SLC2A12: variants seen among roughly 807,000 people sequenced by gnomAD.
SLC2A12 encodes the protein solute carrier family 2, facilitated glucose transporter member 12.
Under a neutral mutation model 41.8 loss-of-function variants are expected in SLC2A12, and 23 were observed. The observed-to-expected ratio is 0.55, with a 90% CI of 0.40 to 0.78. The LOEUF (loss-of-function observed/expected upper bound fraction) is 0.78, where lower values mean the gene tolerates loss of function less well. Ranked by LOEUF, SLC2A12 falls within the 30% of genes least tolerant of loss-of-function variation. The pLI, the probability that SLC2A12 is intolerant of heterozygous loss-of-function variation, is 0.00. For missense variants in SLC2A12, 654 were observed against 745.6 expected (o/e 0.88, Z 1.43); for synonymous variants, 295 against 285.9 (o/e 1.03, Z -0.32).
chr6:134,010,882 A>G lies in SLC2A12; in HGVS notation c.1445-3948T>C, dbSNP rs112353418. ...TGACACTTGTGTGTTTCCCCCTCCT[A>G]CCTATTTCAGGTTCCTGCCCCAGTT... is the stretch of plus-strand genomic sequence containing the variant. On this transcript the variant is annotated intron_variant, in intron 2 of 4. Transcript: ENST00000275230. Among the ~76,000 whole-genome samples the G allele has an allele frequency of 4.8e-4, 73 of 152,146 alleles. 1 individual carries two copies. The highest frequency in any genetic ancestry group is 1.6e-3 in the African/African-American group (67 of 41,534).
At chr6:134,022,475 G>A (rs1777053251) in intron 2 of SLC2A12, among the ~76,000 whole-genome samples, 1 of 150,994 alleles carries the variant, frequency 6.6e-6, no homozygotes, top group African/African-American at 2.4e-5. Flanking sequence ...AGGTTGCAGT[G>A]AGCCGAGATC....
chr6:134,006,981 A>G lies in SLC2A12; in HGVS notation c.1445-47T>C. 1.9e-6 allele frequency: 3 copies of G among 1,609,338 alleles called. No homozygotes were observed. The South Asian group carries it at 3.3e-5, about 18-fold the overall frequency. On this transcript the variant is annotated intron_variant, in intron 2 of 4. Coordinates refer to ENST00000275230, the MANE Select transcript of SLC2A12 (RefSeq NM_145176.3). ...GTGGCGGACAGCACATTTAGCAAAA[A>G]CCCATTGAATCTGAGTGCCAGCACC...
In SLC2A12 at chr6:134,011,971, G is replaced by A. The variant is rs576705593; in HGVS notation, c.1445-5037C>T. 6.6e-3 allele frequency among the ~76,000 whole-genome samples: 1,001 copies of A among 151,422 alleles called. 14 individuals carry two copies. The highest frequency in any genetic ancestry group is 8.6e-3 in the Non-Finnish European group (584 of 67,784). On this transcript the variant is annotated intron_variant, in intron 2 of 4. Coordinates refer to ENST00000275230, the MANE Select transcript of SLC2A12 (RefSeq NM_145176.3). ...GCAGGAGAATCGCTTGAGCCCAGGA[G>A]GTGGAAGTTGCAGTGAGCCGAGATC...
intron 1 of SLC2A12, among the ~76,000 whole-genome samples, chr6:134,042,550 A>C (rs559042074): frequency 1.4e-4 from 22 of 152,048 alleles, no homozygotes; most frequent in South Asian, 1.2e-3. Context: ...AGAAATAGAA[A>C]AAAAAAAAAA....
At chr6:134,015,806 A>T (rs1776953294) in intron 2 of SLC2A12, among the ~76,000 whole-genome samples, 1 of 152,174 alleles carries the variant, frequency 6.6e-6, no homozygotes, top group Non-Finnish European at 1.5e-5. Flanking sequence ...AGCTGTCATA[A>T]TCTTTAGCTG....
Position 134,002,138 on chromosome 6 carries a change from G to A in SLC2A12, c.1568-9C>T, listed in dbSNP as rs1362645962. ...TGGCAGGCCAATAAGATCTATAAAG[G>A]ACAAAAGAAATTGATTAGAAATGTG... On this transcript the variant is annotated splice_polypyrimidine_tract_variant and intron_variant, in intron 3 of 4. Transcript: ENST00000275230. 5 of 1,588,164 alleles carry A rather than the reference G, an allele frequency of 3.1e-6. No individual in the cohort carries two copies. Among genetic ancestry groups the A allele is most frequent in the African/African-American group, 1.4e-5 (1 of 72,674 alleles).
intron 1 of SLC2A12, among the ~76,000 whole-genome samples, chr6:134,043,351 T>C (rs377498482): frequency 1.6e-4 from 25 of 152,150 alleles, no homozygotes; most frequent in African/African-American, 5.5e-4. Flanking sequence ...GAAGGAGGCA[T>C]GTGGATTTAA....
Position 134,033,004 on chromosome 6 carries a change from G to A in SLC2A12, c.104-3283C>T, listed in dbSNP as rs143481689. ...AGGGAAGAGTATTTCAGGCCCAGGA[G>A]AAAGTAATTTCCAAGGCCTTAGGAC... On this transcript the variant is annotated intron_variant, in intron 1 of 4. Coordinates refer to ENST00000275230, the MANE Select transcript of SLC2A12 (RefSeq NM_145176.3). Among the ~76,000 whole-genome samples, 615 of 151,724 alleles carry A rather than the reference G, an allele frequency of 4.1e-3. 2 individuals carry two copies. Among genetic ancestry groups the A allele is most frequent in the African/African-American group, 0.014 (574 of 41,364 alleles).
intron 2 of SLC2A12, among the ~76,000 whole-genome samples, chr6:134,027,845 C>CAAG (rs1184712233): frequency 6.6e-6 from 1 of 152,126 alleles, no homozygotes; most frequent in Non-Finnish European, 1.5e-5. Flanking sequence ...GTTTAATGGA[C>CAAG]AAGAGTAAAG....
chr6:134,004,605 T>TGTA (rs1776788705), intron 3 of SLC2A12, among the ~76,000 whole-genome samples: 1 of 152,222 alleles, frequency 6.6e-6, no homozygotes, highest in Non-Finnish European at 1.5e-5. Flanking sequence ...TTTTCTTGAT[T>TGTA]GTAGTCATGC....
At chr6:134,050,393 A>G (rs1420766656) in intron 1 of SLC2A12, among the ~76,000 whole-genome samples, 2 of 152,278 alleles carry the variant, frequency 1.3e-5, no homozygotes, top group Non-Finnish European at 2.9e-5. Flanking sequence ...AAGTTAATTT[A>G]AAATTAAATT....
chr6:134,022,344 A>G (rs1777051330), intron 2 of SLC2A12, among the ~76,000 whole-genome samples: 1 of 152,154 alleles, frequency 6.6e-6, no homozygotes. Flanking sequence ...CAGCCTGGCC[A>G]ACATGGCGAA....
chr6:134,040,058 G>GTTTTTTT (rs11371413), intron 1 of SLC2A12, among the ~76,000 whole-genome samples: 4 of 139,352 alleles, frequency 2.9e-5, no homozygotes, highest in Non-Finnish European at 4.6e-5. Context: ...GTTGTTTTTT[G>GTTTTTTT]TTTTTTTTTT....
rs200249148 is a variant in SLC2A12, at chr6:133,987,648, G to GTGTGTGTGTATATATATATATATATATA, written c.*3506_*3507insTATATATATATATATATATACACACACA. The stretch of plus-strand genomic sequence containing the variant: ...TTTGTGTGTGTGTGTGTGTGTGTGT[G>GTGTGTGTGTATATATATATATATATATA]TATATATATATATATATATGCACCA... On this transcript the variant is annotated 3_prime_UTR_variant, in exon 5 of 5. Transcript: ENST00000275230. 3.4e-5 allele frequency: 3 copies of GTGTGTGTGTATATATATATATATATATA among 88,310 alleles called. No individual in the cohort carries two copies. The highest frequency in any genetic ancestry group is 2.8e-5 in the Non-Finnish European group (1 of 35,234). 5.5% of individuals were successfully genotyped at this position (88,310 alleles called of 1,614,324 possible).
chr6:134,032,467 TTTA>T, intron 1 of SLC2A12, among the ~76,000 whole-genome samples: 3 of 33,162 alleles, frequency 9.0e-5, no homozygotes, highest in Non-Finnish European at 1.7e-4. Context: ...TATATATATT[TTTA>T]TATATATATA....
chr6:134,051,222 G>A (rs956126388), intron 1 of SLC2A12, among the ~76,000 whole-genome samples: 7 of 152,182 alleles, frequency 4.6e-5, no homozygotes, highest in African/African-American at 1.7e-4. Flanking sequence ...CACCACGCCC[G>A]GCCTCATTCT....
At chr6:134,009,781 G>C (rs185265173) in intron 2 of SLC2A12, among the ~76,000 whole-genome samples, 2 of 152,152 alleles carry the variant, frequency 1.3e-5, no homozygotes, top group South Asian at 4.1e-4. Flanking sequence ...GGAGATCAAG[G>C]CTGCCCTAAG....
intron 1 of SLC2A12, among the ~76,000 whole-genome samples, chr6:134,032,792 T>TATTA (rs140895311): frequency 5.1e-5 from 7 of 138,024 alleles, no homozygotes; most frequent in African/African-American, 1.9e-4. Flanking sequence ...TATATATATA[T>TATTA]TATATATATA....
intron 2 of SLC2A12, among the ~76,000 whole-genome samples, chr6:134,008,230 T>C (rs1301521197): frequency 6.6e-6 from 1 of 152,234 alleles, no homozygotes; most frequent in African/African-American, 2.4e-5. Context: ...GCCATGCCTC[T>C]AACTTAAAAT....
Sources: allele counts gnomAD v4.1 joint callset (sites outside exome capture counted in the v4.1 genomes callset), GRCh38; gene constraint gnomAD v4.1.1; transcripts MANE v1.5; gene names NCBI Gene and HGNC (gene_info 2026-07-23, HGNC 2026-07-21).